PRSS23: variants seen among roughly 807,000 people sequenced by gnomAD.
The protein encoded by PRSS23 is serine protease 23.
PRSS23 carries 25 observed loss-of-function variants against 34.7 expected under a neutral mutation model. That is an observed-to-expected ratio of 0.72 (90% CI 0.53 to 1.01). The LOEUF (loss-of-function observed/expected upper bound fraction) is 1.01. Ranked by LOEUF, PRSS23 falls within the 50% of genes least tolerant of loss-of-function variation. The pLI, the probability that PRSS23 is intolerant of heterozygous loss-of-function variation, is 0.00. For synonymous variants in PRSS23, 176 were observed against 186.6 expected (o/e 0.94, Z 0.46); for missense variants, 445 against 475.6 (o/e 0.94, Z 0.60).
At chr11:86,797,875 G>C (rs1295033112), upstream of PRSS23, among the ~76,000 whole-genome samples, 1 of 152,216 alleles carries the variant, frequency 6.6e-6, no homozygotes, top group African/African-American at 2.4e-5. Flanking sequence ...CTGAGGTACA[G>C]AAAAGTTAAG....
intron 2 of PRSS23, chr11:86,950,552 G>C (rs1949281013): frequency 6.2e-6 from 1 of 162,108 alleles, no homozygotes; most frequent in South Asian, 1.7e-4. Flanking sequence ...CAAAGGCACT[G>C]AAAGATTCTA....
chr11:86,831,725 G>T (rs1280276256), intron 2 of PRSS23, among the ~76,000 whole-genome samples: 1 of 151,502 alleles, frequency 6.6e-6, no homozygotes, highest in Non-Finnish European at 1.5e-5. Flanking sequence ...TATCCTAAAG[G>T]TATGTTACTA....
chr11:86,909,084 C>T (rs1948961756), intron 2 of PRSS23: 1 of 151,830 alleles, frequency 6.6e-6, no homozygotes, highest in Admixed American at 6.6e-5. Flanking sequence ...CAGAGTTGTG[C>T]ACCATGTAAT....
intron 2 of PRSS23, among the ~76,000 whole-genome samples, chr11:86,860,288 G>A (rs776722396): frequency 6.6e-6 from 1 of 151,978 alleles, no homozygotes; most frequent in Non-Finnish European, 1.5e-5. Context: ...CCCAAGTGGG[G>A]TGTACCCCAC....
chr11:86,799,680 CG>C (rs141894504), upstream of PRSS23, among the ~76,000 whole-genome samples: 340 of 152,204 alleles, frequency 2.2e-3, no homozygotes, highest in African/African-American at 7.8e-3. Context: ...GAGGACTCCC[CG>C]CACACCCCCC....
In PRSS23 at chr11:86,844,896, C is replaced by T. The variant is rs142708859; in HGVS notation, c.206+21303C>T. ...CCTGAGGTCAGGAGTTCAAGAACAG[C>T]CTGACCAACATGGAGAAACCCCATC... On this transcript the variant is annotated intron_variant, in intron 2 of 2. Transcript: ENST00000533902. Among the ~76,000 whole-genome samples, 10 of 152,184 alleles carry T rather than the reference C, an allele frequency of 6.6e-5. No homozygotes were observed. In the East Asian group the frequency reaches 1.9e-3, roughly 30 times the overall value.
In PRSS23 at chr11:86,807,312, G is replaced by C. The variant is rs189956630; in HGVS notation, c.-13-319G>C. ...GGGCTCAAAATTACGTGGAAATTGG[G>C]GCTGGTCAGTCAGTTAGCCAGGGGA... On this transcript the variant is annotated intron_variant, in intron 1 of 1. Transcript: ENST00000280258. 1.4e-3 allele frequency among the ~76,000 whole-genome samples: 215 copies of C among 152,146 alleles called. 2 individuals are homozygous for C. The highest frequency in any genetic ancestry group is 5.0e-3 in the African/African-American group (208 of 41,496).
rs11352878 is a variant in PRSS23, at chr11:86,867,874, C to CAAAAAAAAAAAAAAAAAA, written c.206+44298_206+44299insAAAAAAAAAAAAAAAAAA. Among the ~76,000 whole-genome samples, 143 of 118,272 alleles carry CAAAAAAAAAAAAAAAAAA rather than the reference C, an allele frequency of 1.2e-3. 3 individuals are homozygous for CAAAAAAAAAAAAAAAAAA. The highest frequency in any genetic ancestry group is 4.4e-3 in the African/African-American group (123 of 28,254). 77.6% of individuals were successfully genotyped at this position (118,272 alleles called of 152,430 possible). A position where few individuals can be genotyped will look rare whatever the true frequency, so the allele number is the denominator to read the frequency against. On this transcript the variant is annotated intron_variant, in intron 2 of 2. Coordinates refer to the PRSS23 transcript ENST00000533902. Reference sequence around the variant, plus strand: ...CCAGTGACAGAGTGAGACCCTACCTCAAAAAAAAAAAAAAAAATACAACAG... The same window carrying CAAAAAAAAAAAAAAAAAA: ...CCAGTGACAGAGTGAGACCCTACCTCAAAAAAAAAAAAAAAAAAAAAAAAAAAAAAAAAAATACAACAG...
At position 86,806,933 on chromosome 11, in the gene PRSS23, G is replaced by A. The variant is rs562140579; in HGVS notation, c.-13-698G>A. Among the ~76,000 whole-genome samples, 358 of 152,312 alleles carry A rather than the reference G, an allele frequency of 2.4e-3. 1 individual carries two copies. The highest frequency in any genetic ancestry group is 0.01 in the Middle Eastern group (3 of 294). On this transcript the variant is annotated intron_variant, in intron 1 of 1. Transcript: ENST00000280258. ...TAGTGTACAACATAATCCAAAGGAA[G>A]AAGGAATATTTTATTAGAAGCCTAG...
At chr11:86,812,017 A>C (rs2135606059), downstream of PRSS23, among the ~76,000 whole-genome samples, 1 of 152,248 alleles carries the variant, frequency 6.6e-6, no homozygotes, top group South Asian at 2.1e-4. Context: ...GTATGCCTTG[A>C]AGTTGCCTCT....
rs758013082 is a variant in PRSS23 at position 86,807,910 on chromosome 11, G to A, written c.267G>A (p.Thr89=). The A allele has an allele frequency of 5.6e-6, 9 of 1,613,970 alleles. No homozygotes were observed. Among genetic ancestry groups the A allele is most frequent in the East Asian group, 2.2e-5 (1 of 44,890 alleles). ...EEAKQYLSYE[T]LYANGSRTET... is the part of the protein sequence containing the mutation. ...CCAAGCAATATCTGTCTTATGAAAC[G>A]CTCTATGCCAATGGCAGCCGCACAG... Residue 89 remains threonine (T), a synonymous_variant, in exon 2 of 2, where the codon ACG becomes ACA. Coordinates refer to ENST00000280258, the MANE Select transcript of PRSS23 (RefSeq NM_007173.6).
intron 2 of PRSS23, among the ~76,000 whole-genome samples, chr11:86,886,932 G>A (rs1948806428): frequency 1.3e-5 from 2 of 152,026 alleles, no homozygotes; most frequent in Non-Finnish European, 2.9e-5. Context: ...ATAAGAGTGA[G>A]ACTCCATCTA....
chr11:86,810,189 G>A lies in PRSS23; in HGVS notation c.*1394G>A, dbSNP rs1472543430. ...GACTTATTGTATGTTTTTATTTTAT[G>A]GCTCTCGGCCTAAGCACTTCTTTCT... On this transcript the variant is annotated 3_prime_UTR_variant, in exon 2 of 2. Coordinates refer to ENST00000280258, the MANE Select transcript of PRSS23 (RefSeq NM_007173.6). The A allele has an allele frequency of 6.0e-6, 1 of 166,746 alleles. No individual in the cohort carries two copies. Among genetic ancestry groups the A allele is most frequent in the Non-Finnish European group, 1.5e-5 (1 of 68,124 alleles). 10.3% of individuals were successfully genotyped at this position (166,746 alleles called of 1,614,324 possible).
At chr11:86,883,718 A>G (rs1019351499) in intron 2 of PRSS23, among the ~76,000 whole-genome samples, 6 of 152,176 alleles carry the variant, frequency 3.9e-5, no homozygotes, top group African/African-American at 1.2e-4. Context: ...GTTTACCTCT[A>G]TAATTTCCCT....
intron 2 of PRSS23, among the ~76,000 whole-genome samples, chr11:86,938,248 T>C (rs2086920906): frequency 6.6e-6 from 1 of 152,182 alleles, no homozygotes; most frequent in Non-Finnish European, 1.5e-5. Flanking sequence ...AACAATATAA[T>C]GTAATATAAC....
At position 86,824,948 on chromosome 11, in the gene PRSS23, A is replaced by G. The variant is rs560769777; in HGVS notation, c.206+1355A>G. 2.6e-5 allele frequency among the ~76,000 whole-genome samples: 4 copies of G among 152,230 alleles called. No homozygotes were observed. In the East Asian group the frequency reaches 7.7e-4, roughly 29 times the overall value. On this transcript the variant is annotated intron_variant, in intron 2 of 2. Transcript: ENST00000533902. ...AGTGCCACAATAAACATACCTGTGT[A>G]TGTGTCTTTATAGCAGCATGATTTA...
chr11:86,928,150 TATAC>T (rs1949094538), intron 2 of PRSS23, among the ~76,000 whole-genome samples: 1 of 148,308 alleles, frequency 6.7e-6, no homozygotes, highest in African/African-American at 2.5e-5. Context: ...TAATACATAT[TATAC>T]ATAAATATAT....
At chr11:86,867,023 A>G (rs1453158664) in intron 2 of PRSS23, among the ~76,000 whole-genome samples, 2 of 152,194 alleles carry the variant, frequency 1.3e-5, no homozygotes, top group Non-Finnish European at 2.9e-5. Context: ...GCAACACAAA[A>G]CAAACTAAGT....
At chr11:86,867,969 T>C (rs891752354) in intron 2 of PRSS23, among the ~76,000 whole-genome samples, 3 of 151,546 alleles carry the variant, frequency 2.0e-5, no homozygotes, top group Non-Finnish European at 4.4e-5. Flanking sequence ...TGAAAGAATA[T>C]GCTAGGAGGC....
Sources: gnomAD v4.1 joint callset for allele counts (sites outside exome capture counted in the v4.1 genomes callset) on GRCh38, gnomAD v4.1.1 for gene constraint, MANE v1.5 for transcripts, NCBI Gene and HGNC (gene_info 2026-07-23, HGNC 2026-07-21) for gene names.